The following MYH10 variants were observed in gnomAD, a reference collection of about 807,000 sequenced individuals.
MYH10 encodes myosin heavy chain 10, also known as myosin-10.
MYH10 carries 55 observed loss-of-function variants against 257.8 expected under a neutral mutation model. The ratio of observed to expected loss-of-function variants is 0.21; its 90% CI spans 0.17 to 0.27. The LOEUF is 0.27. Ranked by LOEUF, MYH10 falls within the 10% of genes least tolerant of loss-of-function variation. The probability of loss-of-function intolerance (pLI) is 1.00; values close to 1 mark genes in which losing one functional copy is unlikely to be tolerated. For synonymous variants in MYH10, 854 were observed against 921.7 expected (o/e 0.93, Z 1.33); for missense variants, 1,631 against 2,500.6 (o/e 0.65, Z 7.42).
intron 30 of MYH10, among the ~76,000 whole-genome samples, chr17:8,498,717 G>A (rs554087209): frequency 2.0e-5 from 3 of 152,136 alleles, no homozygotes; most frequent in African/African-American, 4.8e-5. Context: ...ACATGGTGGC[G>A]GGTGCCTGTA....
At chr17:8,521,737 T>C (rs1183651159) in intron 17 of MYH10, among the ~76,000 whole-genome samples, 2 of 152,212 alleles carry the variant, frequency 1.3e-5, no homozygotes, top group Non-Finnish European at 2.9e-5. Context: ...CCTCAGGGAC[T>C]AGGGACCAGA....
chr17:8,527,704 C>T (rs574297628), intron 17 of MYH10, among the ~76,000 whole-genome samples: 7 of 152,354 alleles, frequency 4.6e-5, no homozygotes, highest in African/African-American at 1.2e-4. Context: ...CCATGTGCCA[C>T]GCATTCAGGT....
At position 8,477,443 on chromosome 17, in the gene MYH10, T is replaced by C. The variant is rs776546440; in HGVS notation, c.5707-395A>G. Among the ~76,000 whole-genome samples the C allele has an allele frequency of 1.3e-5, 2 of 152,128 alleles. No individual in the cohort carries two copies. The highest frequency in any genetic ancestry group is 2.9e-5 in the Non-Finnish European group (2 of 68,034). ...AGCCCAGAAGATGGTACAATGCATC[T>C]TTACACCTCCTTTCAAGGATGGGCA... On this transcript the variant is annotated intron_variant, in intron 41 of 42. Coordinates refer to ENST00000360416, the MANE Select transcript of MYH10 (RefSeq NM_001256012.3). The surrounding 1 kb of genome is among the most constrained non-coding windows in gnomAD (Gnocchi z 4.2).
At chr17:8,493,127 A>C in intron 32 of MYH10, 103 bp from the exon 33 acceptor site, 2 of 1,320,260 alleles carry the variant, frequency 1.5e-6, no homozygotes, top group African/African-American at 1.5e-5. Context: ...TGGGAGGCCG[A>C]GGCGGCAGGA....
intron 7 of MYH10, among the ~76,000 whole-genome samples, chr17:8,557,746 CAAA>C (rs1359980709): frequency 6.6e-6 from 1 of 151,958 alleles, no homozygotes; most frequent in Non-Finnish European, 1.5e-5. Flanking sequence ...AAGTCATGAA[CAAA>C]AAAACCACTG....
Position 8,480,423 on chromosome 17 carries a change from G to A in MYH10, c.5367C>T (p.Arg1789=). ...EQSNMELLND[R]FRKTTLQVDT... is the part of the protein sequence containing the mutation. ...CCACCTGTAGAGTGGTCTTGCGGAA[G>A]CGGTCGTTGAGCAGCTCCATGTTGC... Residue 1789 remains arginine (R), a synonymous_variant, in exon 39 of 43, where the codon CGC becomes CGT. Transcript: ENST00000360416. 1 of 1,613,392 alleles carries A rather than the reference G, an allele frequency of 6.2e-7. No homozygotes were observed. The highest frequency in any genetic ancestry group is 8.5e-7 in the Non-Finnish European group (1 of 1,180,014).
At chr17:8,620,735 G>C (rs372691196) in intron 2 of MYH10, among the ~76,000 whole-genome samples, 6 of 152,016 alleles carry the variant, frequency 3.9e-5, no homozygotes, top group African/African-American at 1.2e-4. Context: ...TCCTCTTAAC[G>C]ACACAGACTT....
chr17:8,583,303 G>A (rs1482343673), intron 4 of MYH10, among the ~76,000 whole-genome samples: 1 of 151,994 alleles, frequency 6.6e-6, no homozygotes, highest in Non-Finnish European at 1.5e-5. Flanking sequence ...AGATGTCATC[G>A]AAAGTGAGAC....
At chr17:8,505,338 G>T (rs993799447) in intron 27 of MYH10, among the ~76,000 whole-genome samples, 1 of 152,218 alleles carries the variant, frequency 6.6e-6, no homozygotes, top group Admixed American at 6.5e-5. Context: ...GAACACAGTA[G>T]AAGAAAGAGG....
intron 2 of MYH10, among the ~76,000 whole-genome samples, chr17:8,611,101 C>T (rs1280174707): frequency 6.6e-6 from 1 of 152,212 alleles, no homozygotes; most frequent in Non-Finnish European, 1.5e-5. Flanking sequence ...AAAATTAAAA[C>T]ATTCCAGTCT....
intron 16 of MYH10, among the ~76,000 whole-genome samples, chr17:8,533,807 T>C (rs2082068970): frequency 6.6e-6 from 1 of 152,214 alleles, no homozygotes; most frequent in Non-Finnish European, 1.5e-5. Flanking sequence ...TTCCTTCTGC[T>C]GTGTTCTAAG....
intron 17 of MYH10, among the ~76,000 whole-genome samples, chr17:8,522,365 C>T (rs2081684099): frequency 6.6e-6 from 1 of 152,212 alleles, no homozygotes; most frequent in African/African-American, 2.4e-5. Flanking sequence ...TAAAAGTGAA[C>T]TGCTCAAGTT....
At chr17:8,626,240 G>T (rs185459421) in intron 1 of MYH10, among the ~76,000 whole-genome samples, 8 of 152,134 alleles carry the variant, frequency 5.3e-5, no homozygotes, top group African/African-American at 1.7e-4. Context: ...TTAACAAGTT[G>T]TCTCTTTCCA....
At chr17:8,536,038 A>T in intron 14 of MYH10, 107 bp from the exon 15 acceptor site, 1 of 1,055,670 alleles carries the variant, frequency 9.5e-7, no homozygotes, top group Non-Finnish European at 1.4e-6. Context: ...AGATCCATGG[A>T]AAACAAATTG....
intron 4 of MYH10, among the ~76,000 whole-genome samples, chr17:8,584,107 C>T (rs2083809522): frequency 6.6e-6 from 1 of 152,168 alleles, no homozygotes; most frequent in African/African-American, 2.4e-5. Context: ...AGGATGCATG[C>T]AGCCTGAGTG....
intron 16 of MYH10, among the ~76,000 whole-genome samples, chr17:8,534,572 C>T (rs1396862252): frequency 6.6e-6 from 1 of 152,222 alleles, no homozygotes; most frequent in Non-Finnish European, 1.5e-5. Flanking sequence ...CCATTCCTTT[C>T]CCTCTACCTC....
intron 27 of MYH10, among the ~76,000 whole-genome samples, chr17:8,505,470 A>G (rs543516956): frequency 6.6e-6 from 1 of 152,324 alleles, no homozygotes; most frequent in East Asian, 1.9e-4. Flanking sequence ...GAGGTAAGGG[A>G]GATTTTTCTT....
In MYH10 at chr17:8,530,641, C is replaced by T; in HGVS notation, c.1939G>A (p.Gly647Ser). ...QRASFYDSVS[G>S]LHEPPVDRIV... ...CATTCACCTGGTGGCTCATGAAGAC[C>T]AGAAACACTGTCATAGAAAGAAGCT... Residue 647 changes from glycine (G) to serine (S), a missense_variant, in exon 17 of 43, where the codon GGT becomes AGT. This residue lies in a region of MYH10 where 96 missense variants were observed against 146.2 expected (regional missense o/e 0.66). Transcript: ENST00000360416. 1 of 1,549,472 alleles carries T rather than the reference C, an allele frequency of 6.5e-7. No individual in the cohort carries two copies. The highest frequency in any genetic ancestry group is 1.2e-5 in the South Asian group (1 of 83,894).
intron 42 of MYH10, 63 bp downstream of exon 42, chr17:8,476,812 AC>A: frequency 6.5e-7 from 1 of 1,535,270 alleles, no homozygotes; most frequent in East Asian, 2.3e-5. Flanking sequence ...GACCAGCTGC[AC>A]CCCGAGCCTA....
Sources: allele counts gnomAD v4.1 joint callset (sites outside exome capture counted in the v4.1 genomes callset), GRCh38; gene constraint gnomAD v4.1.1; regional missense constraint gnomAD v4.1.1; non-coding constraint Gnocchi (gnomAD v3.1); transcripts MANE v1.5; gene names NCBI Gene and HGNC (gene_info 2026-07-23, HGNC 2026-07-21).